IFT56: variants seen among roughly 807,000 people sequenced by gnomAD.
IFT56 encodes the protein intraflagellar transport protein 56.
At chr7:139,177,171 CAAAA>C in the IFT56 span, among the ~76,000 whole-genome samples, 11 of 93,942 alleles carry the variant, frequency 1.2e-4, no homozygotes, top group African/African-American at 3.5e-4. Flanking sequence ...GACTCCGTCT[CAAAA>C]AAAAAAAAAG....
chr7:139,139,058 C>T, the IFT56 span, among the ~76,000 whole-genome samples: 1 of 152,092 alleles, frequency 6.6e-6, no homozygotes. Flanking sequence ...GTGATCCGCC[C>T]GCCTCGGCCT....
chr7:139,143,815 C>T, the IFT56 span, among the ~76,000 whole-genome samples: 2 of 151,736 alleles, frequency 1.3e-5, no homozygotes, highest in African/African-American at 2.4e-5. Flanking sequence ...ATATATTTAT[C>T]CTCGATTTGC....
chr7:139,155,471 G>A, the IFT56 span, among the ~76,000 whole-genome samples: 4 of 152,006 alleles, frequency 2.6e-5, no homozygotes, highest in Admixed American at 2.6e-4. Flanking sequence ...TCCAGGTGGG[G>A]GAACTTCCAA....
At chr7:139,172,963 C>T in the IFT56 span, 5 of 726,932 alleles carry the variant, frequency 6.9e-6, no homozygotes, top group Non-Finnish European at 7.8e-6. Flanking sequence ...CTGCTGCTGG[C>T]GCTTGGGCTG....
At chr7:139,188,830 T>C in the IFT56 span, among the ~76,000 whole-genome samples, 1 of 152,214 alleles carries the variant, frequency 6.6e-6, no homozygotes, top group Admixed American at 6.5e-5. Flanking sequence ...CTTGAAAAAA[T>C]CCCTTATTCC....
the IFT56 span, chr7:139,137,895 G>C: frequency 4.3e-6 from 7 of 1,613,570 alleles, no homozygotes; most frequent in Non-Finnish European, 5.9e-6. Context: ...TTTGTGGATT[G>C]GATATTGTGC....
chr7:139,137,435 A>T, the IFT56 span, among the ~76,000 whole-genome samples: 1 of 152,328 alleles, frequency 6.6e-6, no homozygotes, highest in East Asian at 1.9e-4. Flanking sequence ...ACGGAGGGTG[A>T]CAACACGGGC....
the IFT56 span, among the ~76,000 whole-genome samples, chr7:139,158,998 T>A: frequency 6.6e-6 from 1 of 152,194 alleles, no homozygotes; most frequent in Non-Finnish European, 1.5e-5. Context: ...ACATATCACA[T>A]ATTAGATAGC....
the IFT56 span, chr7:139,169,305 T>C: frequency 6.2e-7 from 1 of 1,614,068 alleles, no homozygotes; most frequent in South Asian, 1.1e-5. Context: ...CATATGAAAA[T>C]TGCCCAGCAG....
chr7:139,172,933 G>C, the IFT56 span: 5 of 722,596 alleles, frequency 6.9e-6, no homozygotes, highest in East Asian at 2.7e-5. Flanking sequence ...GAACAGCTTG[G>C]TTATACTGGC....
the IFT56 span, chr7:139,172,841 C>G: frequency 1.2e-5 from 8 of 674,150 alleles, no homozygotes; most frequent in South Asian, 8.1e-5. Flanking sequence ...CCAGCGAACA[C>G]TGTACTTCCT....
the IFT56 span, among the ~76,000 whole-genome samples, chr7:139,144,009 C>G: frequency 7.9e-5 from 12 of 152,194 alleles, no homozygotes; most frequent in Admixed American, 6.5e-4. Flanking sequence ...TTTTAAGTGT[C>G]TATATGTTTC....
the IFT56 span, among the ~76,000 whole-genome samples, chr7:139,162,678 T>C: frequency 6.6e-6 from 1 of 152,144 alleles, no homozygotes. Context: ...GTACTTATTT[T>C]GGCCGGTCGC....
chr7:139,178,163 A>C, the IFT56 span: 2 of 1,262,830 alleles, frequency 1.6e-6, no homozygotes, highest in Non-Finnish European at 2.3e-6. Context: ...TCAGCTAAAG[A>C]GGATTTTAGT....
At chr7:139,145,380 GTCT>G in the IFT56 span, among the ~76,000 whole-genome samples, 19,511 of 151,442 alleles carry the variant, frequency 0.13, 2,401 homozygotes, top group African/African-American at 0.28. Context: ...GGTATCTCAA[GTCT>G]TCACTCACTT....
the IFT56 span, chr7:139,148,198 T>C: frequency 5.6e-6 from 9 of 1,601,860 alleles, no homozygotes; most frequent in East Asian, 6.7e-5. Flanking sequence ...AATTCTTTCA[T>C]CTAATAGGGA....
At chr7:139,187,491 G>T in the IFT56 span, 1 of 1,614,196 alleles carries the variant, frequency 6.2e-7, no homozygotes, top group Admixed American at 1.7e-5. Context: ...GGCAAACGGG[G>T]TGCCTGTGTG....
At chr7:139,137,436 C>T in the IFT56 span, among the ~76,000 whole-genome samples, 1 of 152,180 alleles carries the variant, frequency 6.6e-6, no homozygotes, top group African/African-American at 2.4e-5. Context: ...CGGAGGGTGA[C>T]AACACGGGCT....
chr7:139,168,578 AAAAC>A, the IFT56 span: 6 of 593,824 alleles, frequency 1.0e-5, no homozygotes, highest in African/African-American at 9.3e-5. Context: ...ACAAAAAAAA[AAAAC>A]AAAAAAAAAA....
Sources: allele counts gnomAD v4.1 joint callset (sites outside exome capture counted in the v4.1 genomes callset), GRCh38; gene constraint gnomAD v4.1.1; transcripts MANE v1.5; gene names NCBI Gene and HGNC (gene_info 2026-07-23, HGNC 2026-07-21).